Variants in OCRL observed in about 807,000 individuals in gnomAD.
OCRL encodes OCRL inositol polyphosphate-5-phosphatase.
A neutral mutation model predicts 78.9 loss-of-function variants in OCRL; 8 were observed. That is an observed-to-expected ratio of 0.10 (90% CI 0.06 to 0.18). OCRL has a LOEUF of 0.18. Among genes scored for constraint, OCRL ranks in the 10% least tolerant of loss-of-function variants. The probability of loss-of-function intolerance (pLI) is 1.00; values close to 1 mark genes in which losing one functional copy is unlikely to be tolerated. For synonymous variants in OCRL, 240 were observed against 235.4 expected (o/e 1.02, Z -0.18); for missense variants, 454 against 696.7 (o/e 0.65, Z 3.92).
chrX:129,571,598 C>G (rs969065868), intron 15 of OCRL, among the ~76,000 whole-genome samples: 2 of 110,197 alleles, frequency 1.8e-5, no homozygotes, highest in Admixed American at 1.9e-4. Flanking sequence ...TCCCAAAGTG[C>G]TGAGATTACA....
At chrX:129,578,489 T>C (rs146195058) in intron 18 of OCRL, among the ~76,000 whole-genome samples, 2,882 of 108,650 alleles carry the variant, frequency 0.027, 100 homozygotes, top group African/African-American at 0.091. Flanking sequence ...ACTCTCTCCT[T>C]CCACCTTCAT....
chrX:129,572,952 A>G (rs984561560), intron 15 of OCRL, among the ~76,000 whole-genome samples: 11 of 112,478 alleles, frequency 9.8e-5, no homozygotes, highest in African/African-American at 3.6e-4. Context: ...GTTCTCAACT[A>G]TCGGAACAAA....
intron 4 of OCRL, among the ~76,000 whole-genome samples, chrX:129,554,785 C>G (rs1380920002): frequency 2.8e-5 from 3 of 108,944 alleles, no homozygotes. Context: ...AACCGCGTCT[C>G]TACTAAAAAT....
intron 4 of OCRL, among the ~76,000 whole-genome samples, chrX:129,554,942 C>CTTCTTA (rs1461287496): frequency 1.1e-5 from 1 of 88,633 alleles, no homozygotes; most frequent in Non-Finnish European, 2.3e-5. Context: ...GTAGAGACTC[C>CTTCTTA]TTCTCAAAAT....
intron 18 of OCRL, among the ~76,000 whole-genome samples, chrX:129,577,602 C>T (rs896589719): frequency 2.7e-5 from 3 of 111,634 alleles, no homozygotes; most frequent in Non-Finnish European, 5.6e-5. Context: ...GACCAGCAGG[C>T]AGGCTGCTGG....
intron 5 of OCRL, 108 bp from the exon 6 acceptor site, chrX:129,557,753 G>A: frequency 1.6e-6 from 1 of 608,230 alleles, no homozygotes; most frequent in East Asian, 3.2e-5. Flanking sequence ...TCCAAAAATG[G>A]TGCTGGCCCC....
chrX:129,572,540 A>C (rs1648604958), intron 15 of OCRL, among the ~76,000 whole-genome samples: 1 of 112,746 alleles, frequency 8.9e-6, no homozygotes, highest in Non-Finnish European at 1.9e-5. Flanking sequence ...AGAGGCTTTA[A>C]AAACCACACT....
intron 19 of OCRL, among the ~76,000 whole-genome samples, chrX:129,585,882 TC>T (rs1412185492): frequency 9.0e-6 from 1 of 111,221 alleles, no homozygotes; most frequent in Non-Finnish European, 1.9e-5. Context: ...AGTGACATGC[TC>T]CTTTTTTTTT....
Position 129,578,110 on chromosome X carries a change from TCAC to T in OCRL, c.2115+1562_2115+1564del, listed in dbSNP as rs3831675. Among the ~76,000 whole-genome samples, 1,513 of 111,664 alleles carry T rather than the reference TCAC, an allele frequency of 0.014. 79 individuals are homozygous for T. In the East Asian group the frequency reaches 0.2, roughly 15 times the overall value. On this transcript the variant is annotated intron_variant, in intron 18 of 23. Transcript: ENST00000371113. The stretch of plus-strand genomic sequence containing the variant: ...TAAAATTTAGTGGTAATATGTCACT[TCAC>T]CACTGAACACTTCAGCCTGCATCTC...
chrX:129,550,419 G>A (rs1422140198), intron 4 of OCRL, among the ~76,000 whole-genome samples: 2 of 111,422 alleles, frequency 1.8e-5, no homozygotes, highest in Non-Finnish European at 3.8e-5. Flanking sequence ...TTCACCATAG[G>A]TCTGTGCCAA....
At position 129,540,390 on chromosome X, in the gene OCRL, G is replaced by A. The variant is rs1384509164; in HGVS notation, c.-50G>A. ...GTGTGGGGACGCGGGAGCCAGTGTCGTCGGATCGGCCCGCAGTCCGCTGTC... is the reference window on the plus strand; with the variant it reads ...GTGTGGGGACGCGGGAGCCAGTGTCATCGGATCGGCCCGCAGTCCGCTGTC... On this transcript the variant is annotated 5_prime_UTR_variant, in exon 1 of 24. Transcript: ENST00000371113. 3 of 1,142,762 alleles carry A rather than the reference G, an allele frequency of 2.6e-6. No individual in the cohort carries two copies. Among genetic ancestry groups the A allele is most frequent in the East Asian group, 6.5e-5 (2 of 30,579 alleles). The allele number at this position is 1,142,762 out of a possible 1,213,427, so 94.2% of individuals were successfully genotyped here.
chrX:129,584,298 TCA>T (rs1569463025), intron 18 of OCRL, 44 bp from the exon 19 acceptor site: 2 of 1,149,484 alleles, frequency 1.7e-6, no homozygotes, highest in Non-Finnish European at 2.4e-6. Context: ...TTAATTCTAA[TCA>T]TATTCTGTCT....
chrX:129,561,390 A>C (rs1206428380), intron 10 of OCRL, 97 bp downstream of exon 10: 27 of 563,437 alleles, frequency 4.8e-5, no homozygotes, highest in Non-Finnish European at 7.9e-5. Context: ...GAATAGTTTA[A>C]TTGAATTCTT....
intron 17 of OCRL, 118 bp downstream of exon 17, chrX:129,576,180 T>TC: frequency 1.1e-6 from 1 of 927,188 alleles, no homozygotes; most frequent in Non-Finnish European, 1.6e-6. Flanking sequence ...TGGTGATACC[T>TC]CTGGTGTGTG....
rs369736288 is a variant in OCRL at position 129,540,654 on chromosome X, T to TGGG, written c.40-82_40-80dup. 8.5e-4 allele frequency: 386 copies of TGGG among 452,634 alleles called. 1 individual carries two copies. Among genetic ancestry groups the TGGG allele is most frequent in the East Asian group, 4.8e-3 (104 of 21,824 alleles). The allele number at this position is 452,634 out of a possible 1,213,427, so 37.3% of individuals were successfully genotyped here. On this transcript the variant is annotated intron_variant, in intron 1 of 23. Transcript: ENST00000371113. ...GGGGCGGGGCGGGGGAGGGCGGCGG[T>TGGG]GGGGGGGGGGTGGAAGACCCCCTTC...
Position 129,567,239 on chromosome X carries a change from T to G in OCRL, c.1357-15T>G. On this transcript the variant is annotated splice_polypyrimidine_tract_variant and intron_variant, in intron 13 of 23. Transcript: ENST00000371113. ...AGTGTTATCCTGCTTATTTGATGCT[T>G]CTTTCTATCTGTAGCTAAATATTCA... The G allele has an allele frequency of 8.9e-7, 1 of 1,120,589 alleles. No individual in the cohort carries two copies. The highest frequency in any genetic ancestry group is 1.2e-6 in the Non-Finnish European group (1 of 812,221). 92.3% of individuals were successfully genotyped at this position (1,120,589 alleles called of 1,213,427 possible). A position where few individuals can be genotyped will look rare whatever the true frequency, so the allele number is the denominator to read the frequency against.
Position 129,590,321 on chromosome X carries a change from G to C in OCRL, c.*51G>C. 8.4e-7 allele frequency: 1 copy of C among 1,194,268 alleles called. No homozygotes were observed. The highest frequency in any genetic ancestry group is 1.1e-6 in the Non-Finnish European group (1 of 881,522). ...AGAAGCAGACGATCTCGGGCTCCAAGTATTTCAGAATGATTTAAAAAGTCA... is the reference window on the plus strand; with the variant it reads ...AGAAGCAGACGATCTCGGGCTCCAACTATTTCAGAATGATTTAAAAAGTCA... On this transcript the variant is annotated 3_prime_UTR_variant, in exon 24 of 24. Transcript: ENST00000371113.
chrX:129,558,541 A>G, intron 6 of OCRL, 92 bp from the exon 7 acceptor site: 1 of 1,063,668 alleles, frequency 9.4e-7, no homozygotes, highest in Non-Finnish European at 1.3e-6. Flanking sequence ...AATACCACTG[A>G]TCAAATTGTG....
In OCRL at chrX:129,584,335, C is replaced by G; in HGVS notation, c.2116-9C>G. The G allele has an allele frequency of 8.3e-7, 1 of 1,205,719 alleles. No individual in the cohort carries two copies. The highest frequency in any genetic ancestry group is 1.1e-6 in the Non-Finnish European group (1 of 890,283). ...TGTCAATGACTTTCTTTTCCTGCTC[C>G]GCTCTCAGGAAGAAGACAGCTTCCT... On this transcript the variant is annotated splice_polypyrimidine_tract_variant and intron_variant, in intron 18 of 23. Transcript: ENST00000371113.
Sources: allele counts gnomAD v4.1 joint callset (sites outside exome capture counted in the v4.1 genomes callset), GRCh38; gene constraint gnomAD v4.1.1; transcripts MANE v1.5; gene names NCBI Gene and HGNC (gene_info 2026-07-23, HGNC 2026-07-21).